Variants in PTPRD observed in about 807,000 individuals in gnomAD.
PTPRD encodes the protein receptor-type tyrosine-protein phosphatase delta.
Under a neutral mutation model 214.5 loss-of-function variants are expected in PTPRD, and 34 were observed. That is an observed-to-expected ratio of 0.16 (90% CI 0.12 to 0.21). The LOEUF (loss-of-function observed/expected upper bound fraction) is 0.21. Among genes scored for constraint, PTPRD ranks in the 10% least tolerant of loss-of-function variants. PTPRD has a pLI of 1.00. For missense variants in PTPRD, 2,545 were observed against 2,398.7 expected (o/e 1.06, Z -1.27); for synonymous variants, 1,128 against 845.7 (o/e 1.33, Z -5.79).
At chr9:9,719,674 T>G (rs1355635064) in intron 7 of PTPRD, among the ~76,000 whole-genome samples, 1 of 152,152 alleles carries the variant, frequency 6.6e-6, no homozygotes, top group Non-Finnish European at 1.5e-5. Context: ...GCTGCGGCGG[T>G]GAGGGGAGAA....
At chr9:10,383,623 A>C (rs2097860048) in intron 2 of PTPRD, among the ~76,000 whole-genome samples, 1 of 151,816 alleles carries the variant, frequency 6.6e-6, no homozygotes, top group South Asian at 2.1e-4. Context: ...CAGATCATCA[A>C]AGCACAGTAT....
chr9:8,535,277 A>C (rs1286788728), intron 14 of PTPRD, among the ~76,000 whole-genome samples: 2 of 151,956 alleles, frequency 1.3e-5, no homozygotes, highest in Admixed American at 1.3e-4. Context: ...GTGCAGCAAT[A>C]AACTGCAAAT....
chr9:9,916,608 G>C (rs1180182896), intron 5 of PTPRD, among the ~76,000 whole-genome samples: 3 of 151,184 alleles, frequency 2.0e-5, no homozygotes. Context: ...ACACATATAG[G>C]GTGAAAGTTA....
chr9:8,683,041 TA>T (rs2097580790), intron 12 of PTPRD, among the ~76,000 whole-genome samples: 1 of 152,202 alleles, frequency 6.6e-6, no homozygotes, highest in South Asian at 2.1e-4. Flanking sequence ...ACAGTTACCT[TA>T]ATCACTGCCT....
chr9:9,583,425 C>G (rs2091271293), intron 7 of PTPRD, among the ~76,000 whole-genome samples: 1 of 152,060 alleles, frequency 6.6e-6, no homozygotes, highest in South Asian at 2.1e-4. Flanking sequence ...TAACCTCAAT[C>G]TATAAATGGG....
rs191950360 is a variant in PTPRD, at chr9:10,449,783, G to A, written c.-599-108766C>T. On this transcript the variant is annotated intron_variant, in intron 2 of 45. Transcript: ENST00000381196. Reference sequence around the variant, plus strand: ...GAGAACGGGCCATGATGACGATGGCGGTTTTGTCGAATAGAAAAGGGGGAA... The same window carrying A: ...GAGAACGGGCCATGATGACGATGGCAGTTTTGTCGAATAGAAAAGGGGGAA... 4.8e-4 allele frequency among the ~76,000 whole-genome samples: 73 copies of A among 151,822 alleles called. 1 individual carries two copies. In the East Asian group the frequency reaches 9.3e-3, roughly 19 times the overall value.
chr9:8,646,248 C>T (rs2096687305), intron 12 of PTPRD, among the ~76,000 whole-genome samples: 1 of 152,174 alleles, frequency 6.6e-6, no homozygotes, highest in African/African-American at 2.4e-5. Context: ...TCAGGTGCTT[C>T]ATCTCGACAA....
chr9:10,510,289 C>T (rs2784590), intron 2 of PTPRD, among the ~76,000 whole-genome samples: 27,831 of 151,942 alleles, frequency 0.18, 3,028 homozygotes, highest in Admixed American at 0.33. Flanking sequence ...TGTACCCCCT[C>T]GACAATCTGA....
chr9:9,843,743 T>C lies in PTPRD; in HGVS notation c.-367-76892A>G, dbSNP rs144634300. On this transcript the variant is annotated intron_variant, in intron 5 of 45. Coordinates refer to ENST00000381196, the MANE Select transcript of PTPRD (RefSeq NM_002839.4). ...AAATCAACATAAGCAAAAATATGTA[T>C]AAAAACAAGATATAAATTGCTGATT... Among the ~76,000 whole-genome samples, 452 of 152,092 alleles carry C rather than the reference T, an allele frequency of 3.0e-3. 3 individuals are homozygous for C. The highest frequency in any genetic ancestry group is 0.01 in the African/African-American group (425 of 41,536).
chr9:9,315,731 GA>G (rs952696098), intron 9 of PTPRD, among the ~76,000 whole-genome samples: 6 of 144,380 alleles, frequency 4.2e-5, no homozygotes, highest in East Asian at 2.0e-4. Context: ...AACAAAGGAA[GA>G]AAAAAAAATC....
At chr9:9,432,747 C>A (rs148293192) in intron 8 of PTPRD, among the ~76,000 whole-genome samples, 3 of 152,224 alleles carry the variant, frequency 2.0e-5, no homozygotes, top group African/African-American at 7.2e-5. Context: ...AATAATGAAG[C>A]CACTTTAATA....
intron 25 of PTPRD, among the ~76,000 whole-genome samples, chr9:8,497,847 A>G (rs1005886887): frequency 1.3e-5 from 2 of 152,222 alleles, no homozygotes; most frequent in Non-Finnish European, 1.5e-5. Context: ...CATATTTTGC[A>G]ATGGAACTAG....
chr9:10,569,186 G>C (rs907038995), intron 2 of PTPRD, among the ~76,000 whole-genome samples: 4 of 152,006 alleles, frequency 2.6e-5, no homozygotes, highest in African/African-American at 9.7e-5. Flanking sequence ...ATCATCACTG[G>C]CCATCAGAGA....
At chr9:8,968,936 T>G (rs2154329975) in intron 11 of PTPRD, among the ~76,000 whole-genome samples, 1 of 152,160 alleles carries the variant, frequency 6.6e-6, no homozygotes, top group East Asian at 1.9e-4. Flanking sequence ...GATGATAGCT[T>G]GGTAGAGAAA....
intron 5 of PTPRD, among the ~76,000 whole-genome samples, chr9:9,856,656 G>C (rs958016013): frequency 7.3e-5 from 11 of 151,468 alleles, no homozygotes; most frequent in African/African-American, 2.4e-4. Context: ...AAAAATTATT[G>C]TGAAAACCTT....
Position 9,915,608 on chromosome 9 carries a change from C to A in PTPRD, c.-368+22899G>T, listed in dbSNP as rs150058258. ...TAATTTAAAAAAATACTATTGAGAA[C>A]TTTAACAACAGGCTAGACCACCAAG... On this transcript the variant is annotated intron_variant, in intron 5 of 45. Transcript: ENST00000381196. 6.4e-4 allele frequency among the ~76,000 whole-genome samples: 96 copies of A among 149,684 alleles called. 2 individuals carry two copies. Among genetic ancestry groups the A allele is most frequent in the African/African-American group, 1.2e-3 (47 of 40,758 alleles).
intron 9 of PTPRD, among the ~76,000 whole-genome samples, chr9:9,375,701 A>T (rs759182349): frequency 6.6e-6 from 1 of 152,198 alleles, no homozygotes; most frequent in Non-Finnish European, 1.5e-5. Context: ...CAGAAAACAA[A>T]GAATAAATAT....
At chr9:10,486,163 C>A (rs1417035415) in intron 2 of PTPRD, among the ~76,000 whole-genome samples, 1 of 151,956 alleles carries the variant, frequency 6.6e-6, no homozygotes, top group Non-Finnish European at 1.5e-5. Context: ...GTTTCTTTTG[C>A]TGTGCAGAAG....
chr9:10,277,818 A>G (rs1367507615), intron 3 of PTPRD, among the ~76,000 whole-genome samples: 1 of 152,076 alleles, frequency 6.6e-6, no homozygotes, highest in African/African-American at 2.4e-5. Context: ...TTCTGAGGAG[A>G]TTCTGGCAAC....
Sources: gnomAD v4.1 joint callset for allele counts (sites outside exome capture counted in the v4.1 genomes callset) on GRCh38, gnomAD v4.1.1 for gene constraint, MANE v1.5 for transcripts, NCBI Gene and HGNC (gene_info 2026-07-23, HGNC 2026-07-21) for gene names.